The following GLT8D2 variants were observed in gnomAD, a reference collection of about 807,000 sequenced individuals.
The protein encoded by GLT8D2 is glycosyltransferase 8 domain-containing protein 2.
GLT8D2 carries 45 observed loss-of-function variants against 44.5 expected under a neutral mutation model. The ratio of observed to expected loss-of-function variants is 1.01; its 90% CI spans 0.80 to 1.30. The LOEUF is 1.30. GLT8D2 is among the 50% of genes most tolerant of loss of function. The pLI is 0.00. For missense variants in GLT8D2, 400 were observed against 430.4 expected (o/e 0.93, Z 0.62); for synonymous variants, 156 against 157.2 (o/e 0.99, Z 0.06).
chr12:104,031,824 G>T, intron 1 of GLT8D2, among the ~76,000 whole-genome samples: 1 of 112,034 alleles, frequency 8.9e-6, no homozygotes, highest in Non-Finnish European at 1.8e-5. Context: ...TAGTGACTTG[G>T]GTTTTTGCGA....
intron 10 of GLT8D2, 78 bp downstream of exon 10, chr12:103,993,314 G>A (rs1274048714): frequency 9.0e-7 from 1 of 1,113,010 alleles, no homozygotes; most frequent in Non-Finnish European, 1.3e-6. Flanking sequence ...CTGGGCAGCA[G>A]AGCGAGACTC....
At chr12:104,040,821 T>A (rs1259824444) in intron 1 of GLT8D2, among the ~76,000 whole-genome samples, 1 of 152,200 alleles carries the variant, frequency 6.6e-6, no homozygotes, top group Non-Finnish European at 1.5e-5. Context: ...GTGACTTTAC[T>A]GGGTGTAAAT....
intron 3 of GLT8D2, among the ~76,000 whole-genome samples, chr12:104,015,437 A>ACACACACACACACAC (rs1373206430): frequency 1.2e-5 from 1 of 80,924 alleles, no homozygotes; most frequent in African/African-American, 3.5e-5. Flanking sequence ...CACACACACA[A>ACACACACACACACAC]ATTAGCTGGG....
At chr12:104,018,176 T>G (rs2136363005) in intron 3 of GLT8D2, among the ~76,000 whole-genome samples, 1 of 152,246 alleles carries the variant, frequency 6.6e-6, no homozygotes, top group East Asian at 1.9e-4. Context: ...TTCACCATGT[T>G]GCTAAGGCTG....
chr12:104,009,223 C>G (rs1183578656), intron 4 of GLT8D2, among the ~76,000 whole-genome samples: 4 of 152,240 alleles, frequency 2.6e-5, no homozygotes, highest in African/African-American at 9.6e-5. Flanking sequence ...GAGGCTGTAT[C>G]CTGCAAAGCC....
At chr12:104,016,882 G>GAAAGAA (rs557603937) in intron 3 of GLT8D2, among the ~76,000 whole-genome samples, 112 of 140,360 alleles carry the variant, frequency 8.0e-4, no homozygotes, top group Middle Eastern at 3.7e-3. Flanking sequence ...AAGAAAGAAA[G>GAAAGAA]AAAAATAAAG....
intron 1 of GLT8D2, among the ~76,000 whole-genome samples, chr12:104,021,877 A>G (rs1205039627): frequency 1.2e-4 from 2 of 16,644 alleles, no homozygotes; most frequent in Admixed American, 7.2e-4. Flanking sequence ...AAAGAAGAAG[A>G]AGAAGAAGAA....
At chr12:104,022,005 GAAGAAGAAGAAGAAGAAA>G (rs768654811) in intron 1 of GLT8D2, among the ~76,000 whole-genome samples, 2,673 of 69,788 alleles carry the variant, frequency 0.038, 557 homozygotes, top group African/African-American at 0.067. Flanking sequence ...AGAAGAAGAA[GAAGAAGAAGAAGAAGAAA>G]AAGAAGAAGA....
intron 4 of GLT8D2, among the ~76,000 whole-genome samples, chr12:104,012,199 T>C (rs1018068584): frequency 6.3e-5 from 9 of 142,180 alleles, no homozygotes; most frequent in African/African-American, 2.3e-4. Flanking sequence ...AATATATATA[T>C]ATATATATAT....
intron 1 of GLT8D2, among the ~76,000 whole-genome samples, chr12:104,039,500 C>T (rs1415651935): frequency 1.3e-5 from 2 of 152,210 alleles, no homozygotes; most frequent in East Asian, 3.8e-4. Context: ...TGAACAGACA[C>T]TTCTCAAAAG....
chr12:104,063,414 C>G (rs969909545), intron 1 of GLT8D2, among the ~76,000 whole-genome samples: 2 of 152,154 alleles, frequency 1.3e-5, no homozygotes, highest in African/African-American at 4.8e-5. Flanking sequence ...GGTGCGGTGG[C>G]TCATGCCTGT....
At chr12:104,052,793 G>T (rs753436892), upstream of GLT8D2, among the ~76,000 whole-genome samples, 1 of 152,058 alleles carries the variant, frequency 6.6e-6, no homozygotes, top group African/African-American at 2.4e-5. Context: ...ATGTAGAGAC[G>T]TGTCTTGCTA....
intron 1 of GLT8D2, among the ~76,000 whole-genome samples, chr12:104,037,397 C>T: frequency 6.6e-6 from 1 of 151,896 alleles, no homozygotes; most frequent in East Asian, 1.9e-4. Context: ...AAAAGGTCAA[C>T]AAAATAGACT....
At chr12:104,022,201 A>T (rs1173184482) in intron 1 of GLT8D2, among the ~76,000 whole-genome samples, 1 of 151,996 alleles carries the variant, frequency 6.6e-6, no homozygotes, top group African/African-American at 2.4e-5. Context: ...ATTCCAGGGG[A>T]TGGTCACTGT....
Position 104,050,179 on chromosome 12 carries a change from G to T in GLT8D2, c.-448C>A, listed in dbSNP as rs2136517389. 6.6e-6 allele frequency: 1 copy of T among 152,436 alleles called. No homozygotes were observed. The highest frequency in any genetic ancestry group is 1.9e-4 in the East Asian group (1 of 5,190). The allele number at this position is 152,436 out of a possible 1,614,324, so 9.4% of individuals were successfully genotyped here. ...CCGCTGGGAACCCAGGAGTTGCGCT[G>T]GCAGAGAGGGGCGGCCCCAGAAACC... On this transcript the variant is annotated 5_prime_UTR_variant, in exon 1 of 11. Coordinates refer to ENST00000360814, the MANE Select transcript of GLT8D2 (RefSeq NM_001384711.1).
chr12:103,994,538 G>A (rs770815242), intron 8 of GLT8D2, 37 bp from the exon 9 acceptor site: 6 of 1,532,846 alleles, frequency 3.9e-6, no homozygotes, highest in East Asian at 2.3e-5. Flanking sequence ...TTTGACCAGC[G>A]AATCTTTTGT....
chr12:104,038,381 T>A (rs568721006), intron 1 of GLT8D2, among the ~76,000 whole-genome samples: 14 of 152,220 alleles, frequency 9.2e-5, no homozygotes, highest in Non-Finnish European at 1.9e-4. Context: ...GACATGATTG[T>A]GCATTTAGAA....
intron 10 of GLT8D2, 51 bp from the exon 11 acceptor site, chr12:103,989,628 T>C (rs1460514826): frequency 1.4e-6 from 2 of 1,444,280 alleles, no homozygotes; most frequent in Admixed American, 2.1e-5. Context: ...AATAACATTT[T>C]TGTATTATAA....
chr12:104,044,743 G>A (rs933898231), intron 1 of GLT8D2, among the ~76,000 whole-genome samples: 1 of 152,210 alleles, frequency 6.6e-6, no homozygotes, highest in South Asian at 2.1e-4. Context: ...TTTGTTGTTC[G>A]ATAATCATAT....
Sources: gnomAD v4.1 joint callset for allele counts (sites outside exome capture counted in the v4.1 genomes callset) on GRCh38, gnomAD v4.1.1 for gene constraint, MANE v1.5 for transcripts, NCBI Gene and HGNC (gene_info 2026-07-23, HGNC 2026-07-21) for gene names.